The following CRISPLD2 variants were observed in gnomAD, a reference collection of about 807,000 sequenced individuals.
CRISPLD2 encodes the protein cysteine-rich secretory protein LCCL domain-containing 2.
In CRISPLD2, 47 loss-of-function variants were observed where a neutral mutation model predicts 71.1. That is an observed-to-expected ratio of 0.66 (90% CI 0.52 to 0.84). CRISPLD2 has a LOEUF of 0.84. Ranked by LOEUF, CRISPLD2 falls within the 40% of genes least tolerant of loss-of-function variation. The pLI is 0.00. For synonymous variants in CRISPLD2, 317 were observed against 250.1 expected (o/e 1.27, Z -2.52); for missense variants, 830 against 651.1 (o/e 1.27, Z -2.99).
chr16:84,837,995 A>C (rs1272808381), intron 1 of CRISPLD2, among the ~76,000 whole-genome samples: 3 of 152,316 alleles, frequency 2.0e-5, no homozygotes, highest in African/African-American at 7.2e-5. Flanking sequence ...AGGGACTAGA[A>C]GTTTGCTCTC....
Position 84,887,273 on chromosome 16 carries a change from C to G in CRISPLD2, c.1306-1957C>G, listed in dbSNP as rs192710140. On this transcript the variant is annotated intron_variant, in intron 13 of 14. Transcript: ENST00000262424. ...AGCTCAGACCTGCTGGTGGTGGCCT[C>G]TGTCTCTACACTACACGTGCAGGGA... Among the ~76,000 whole-genome samples the G allele has an allele frequency of 1.6e-3, 237 of 152,336 alleles. 2 individuals carry two copies. The highest frequency in any genetic ancestry group is 2.8e-3 in the Admixed American group (43 of 15,304).
At chr16:84,863,957 CAAAAA>C (rs781013604) in intron 6 of CRISPLD2, among the ~76,000 whole-genome samples, 5 of 80,822 alleles carry the variant, frequency 6.2e-5, no homozygotes, top group Admixed American at 1.4e-4. Flanking sequence ...AACTTCCTCT[CAAAAA>C]AAAAAAAAAA....
intron 1 of CRISPLD2, among the ~76,000 whole-genome samples, chr16:84,830,054 G>A (rs898649067): frequency 1.3e-5 from 2 of 152,238 alleles, no homozygotes; most frequent in Admixed American, 1.3e-4. Flanking sequence ...CCAGCGTAGT[G>A]GCTCACACCT....
chr16:84,850,621 G>A lies in CRISPLD2; in HGVS notation c.546G>A (p.Lys182=). ...GTTGTGCTGTGAACACCTGCCGGAA[G>A]ATGACTGTCTGGGGAGAAGTTTGGG... ...KIGCAVNTCR[K]MTVWGEVWEN... Residue 182 remains lysine, a synonymous_variant, in exon 5 of 15, where the codon AAG becomes AAA. Transcript: ENST00000262424. The A allele has an allele frequency of 6.2e-7, 1 of 1,614,208 alleles. No individual in the cohort carries two copies. Among genetic ancestry groups the A allele is most frequent in the Non-Finnish European group, 8.5e-7 (1 of 1,180,038 alleles).
intron 6 of CRISPLD2, among the ~76,000 whole-genome samples, chr16:84,859,208 A>G (rs1917319435): frequency 6.6e-6 from 1 of 152,152 alleles, no homozygotes; most frequent in Admixed American, 6.5e-5. Context: ...GTCTATGCCA[A>G]TTATGCATTC....
intron 14 of CRISPLD2, among the ~76,000 whole-genome samples, chr16:84,903,722 A>G (rs1271879602): frequency 6.6e-6 from 1 of 152,244 alleles, no homozygotes; most frequent in African/African-American, 2.4e-5. Context: ...CAGAATGCCA[A>G]AGCAGGATGC....
chr16:84,845,643 C>G lies in CRISPLD2; in HGVS notation c.241-143C>G, dbSNP rs2143197880. 3 of 655,814 alleles carry G rather than the reference C, an allele frequency of 4.6e-6. No individual in the cohort carries two copies. In the East Asian group the frequency reaches 8.2e-5, roughly 18 times the overall value. The allele number at this position is 655,814 out of a possible 1,614,324, so 40.6% of individuals were successfully genotyped here. The stretch of plus-strand genomic sequence containing the variant: ...CGTCTGGCCTGCCACGCCCCCCTGG[C>G]TGATTTAGGAACCCAGCAATACAGC... On this transcript the variant is annotated intron_variant, in intron 2 of 14. Transcript: ENST00000262424.
chr16:84,877,520 G>C lies in CRISPLD2; in HGVS notation c.1229+10G>C. 1 of 1,613,346 alleles carries C rather than the reference G, an allele frequency of 6.2e-7. No homozygotes were observed. The highest frequency in any genetic ancestry group is 8.5e-7 in the Non-Finnish European group (1 of 1,179,410). On this transcript the variant is annotated intron_variant, in intron 12 of 14. Coordinates refer to ENST00000262424, the MANE Select transcript of CRISPLD2 (RefSeq NM_031476.4). ...CAACTCACTGCCCAAGGTAAGGCGG[G>C]CCTGATCTGTCATCTTTTCTATGGA...
intron 2 of CRISPLD2, chr16:84,839,060 A>G (rs1916704038): frequency 4.7e-6 from 2 of 424,576 alleles, no homozygotes; most frequent in African/African-American, 2.0e-5. Context: ...TAGATTTTAA[A>G]TATTTTGTGG....
Position 84,849,661 on chromosome 16 carries a change from G to A in CRISPLD2, c.492+144G>A, listed in dbSNP as rs1182456656. 1.1e-5 allele frequency: 9 copies of A among 812,846 alleles called. No individual in the cohort carries two copies. The South Asian group carries it at 1.3e-4, about 12-fold the overall frequency. 50.4% of individuals were successfully genotyped at this position (812,846 alleles called of 1,614,324 possible). A position where few individuals can be genotyped will look rare whatever the true frequency, so the allele number is the denominator to read the frequency against. ...AAAATTCAGTTCTATACAGAGTACA[G>A]CTGGGAGAAGAAGCTGTTTGTTACC... On this transcript the variant is annotated intron_variant, in intron 4 of 14. Coordinates refer to ENST00000262424, the MANE Select transcript of CRISPLD2 (RefSeq NM_031476.4).
chr16:84,887,268 G>A (rs1277594429), intron 13 of CRISPLD2, among the ~76,000 whole-genome samples: 1 of 152,172 alleles, frequency 6.6e-6, no homozygotes, highest in Admixed American at 6.5e-5. Context: ...TGCTGGTGGT[G>A]GCCTCTGTCT....
chr16:84,840,437 G>C (rs925289525), intron 2 of CRISPLD2, among the ~76,000 whole-genome samples: 1 of 152,144 alleles, frequency 6.6e-6, no homozygotes, highest in African/African-American at 2.4e-5. Context: ...GGTGAAGCTG[G>C]GATTCAAAGC....
chr16:84,835,742 CT>C (rs1188692433), intron 1 of CRISPLD2, among the ~76,000 whole-genome samples: 1 of 152,240 alleles, frequency 6.6e-6, no homozygotes. Context: ...CATAACTTCT[CT>C]TTGGAATCCT....
intron 4 of CRISPLD2, 146 bp downstream of exon 4, chr16:84,849,663 T>A: frequency 1.2e-6 from 1 of 808,880 alleles, no homozygotes; most frequent in Non-Finnish European, 1.9e-6. Context: ...AGAGTACAGC[T>A]GGGAGAAGAA....
intron 14 of CRISPLD2, among the ~76,000 whole-genome samples, chr16:84,894,177 G>T (rs1157277916): frequency 6.6e-6 from 1 of 152,122 alleles, no homozygotes; most frequent in African/African-American, 2.4e-5. Context: ...ACTAGCACCT[G>T]CTCTCTCACC....
rs765200419 is a variant in CRISPLD2, at chr16:84,849,520, A to G, written c.492+3A>G. The G allele has an allele frequency of 1.2e-6, 2 of 1,613,702 alleles. No individual in the cohort carries two copies. Among genetic ancestry groups the G allele is most frequent in the South Asian group, 2.2e-5 (2 of 91,076 alleles). On this transcript the variant is annotated splice_donor_region_variant and intron_variant, in intron 4 of 14. Coordinates refer to ENST00000262424, the MANE Select transcript of CRISPLD2 (RefSeq NM_031476.4). ...CCATGTGCACGCACTACACACAGGT[A>G]ACTCGGGGACTTGCCACGACCTCAG...
chr16:84,849,230 C>A, intron 3 of CRISPLD2, 155 bp from the exon 4 acceptor site: 1 of 723,772 alleles, frequency 1.4e-6, no homozygotes, highest in Non-Finnish European at 2.3e-6. Flanking sequence ...GCCTCCTCGG[C>A]CTCCCTCCCT....
intron 4 of CRISPLD2, 101 bp from the exon 5 acceptor site, chr16:84,850,467 C>G: frequency 1.1e-6 from 1 of 881,422 alleles, no homozygotes; most frequent in Non-Finnish European, 1.9e-6. Context: ...CCCTTCACCT[C>G]GTACCTCTTT....
chr16:84,870,193 A>G (rs976574819), intron 8 of CRISPLD2, among the ~76,000 whole-genome samples: 1 of 152,232 alleles, frequency 6.6e-6, no homozygotes, highest in Admixed American at 6.5e-5. Context: ...GAAAGCAATA[A>G]CAACAACAAA....
Sources: allele counts gnomAD v4.1 joint callset (sites outside exome capture counted in the v4.1 genomes callset), GRCh38; gene constraint gnomAD v4.1.1; transcripts MANE v1.5; gene names NCBI Gene and HGNC (gene_info 2026-07-23, HGNC 2026-07-21).